Variants in PTPRT observed in about 807,000 individuals in gnomAD.
PTPRT encodes the protein receptor-type tyrosine-protein phosphatase T.
A neutral mutation model predicts 176.8 loss-of-function variants in PTPRT; 56 were observed. That is an observed-to-expected ratio of 0.32 (90% CI 0.26 to 0.40). The LOEUF is 0.40. Ranked by LOEUF, PTPRT falls within the 10% of genes least tolerant of loss-of-function variation. The probability of loss-of-function intolerance (pLI) is 1.00; values close to 1 mark genes in which losing one functional copy is unlikely to be tolerated. For missense variants in PTPRT, 1,540 were observed against 1,908.2 expected (o/e 0.81, Z 3.60); for synonymous variants, 783 against 739.0 (o/e 1.06, Z -0.96).
intron 11 of PTPRT, among the ~76,000 whole-genome samples, chr20:42,341,200 A>G (rs2058106236): frequency 6.6e-6 from 1 of 152,128 alleles, no homozygotes; most frequent in Admixed American, 6.5e-5. Flanking sequence ...CTCTGCACAA[A>G]TTCTTCAACA....
chr20:42,973,695 C>T (rs554490470), intron 1 of PTPRT, among the ~76,000 whole-genome samples: 293 of 152,270 alleles, frequency 1.9e-3, no homozygotes, highest in Middle Eastern at 0.01. Flanking sequence ...AAACAAAACA[C>T]GGCTAAAGCC....
At chr20:42,269,609 C>T (rs975415719) in intron 13 of PTPRT, among the ~76,000 whole-genome samples, 1 of 152,216 alleles carries the variant, frequency 6.6e-6, no homozygotes, top group Non-Finnish European at 1.5e-5. Context: ...GTGAAATGAA[C>T]TCCACCTATG....
chr20:42,532,024 A>G (rs2072393227), intron 7 of PTPRT, among the ~76,000 whole-genome samples: 1 of 152,168 alleles, frequency 6.6e-6, no homozygotes, highest in Non-Finnish European at 1.5e-5. Context: ...TAGTGTAGTC[A>G]GTGGCCGTAA....
At position 42,791,378 on chromosome 20, in the gene PTPRT, G is replaced by A. The variant is rs1315381374; in HGVS notation, c.303C>T (p.His101=). The A allele has an allele frequency of 1.2e-6, 2 of 1,614,128 alleles. No homozygotes were observed. The highest frequency in any genetic ancestry group is 1.3e-5 in the African/African-American group (1 of 74,954). The change falls in exon 3 of 31, where the codon CAC becomes CAT. Residue 101 remains histidine, a synonymous_variant. Transcript: ENST00000373187. ...LLPTLKENDT[H]CIDFHYYFSS... is the part of the protein sequence containing the mutation. ...AGAAGTAGTAATGGAAGTCGATGCAGTGGGTGTCATTCTCCTTCAGGGTTG... is the reference window on the plus strand; with the variant it reads ...AGAAGTAGTAATGGAAGTCGATGCAATGGGTGTCATTCTCCTTCAGGGTTG...
At chr20:42,254,720 T>C (rs904316779) in intron 13 of PTPRT, among the ~76,000 whole-genome samples, 13 of 152,152 alleles carry the variant, frequency 8.5e-5, no homozygotes, top group Non-Finnish European at 1.5e-4. Flanking sequence ...TGCGGCATCA[T>C]GTTAGAGAGA....
chr20:43,075,965 C>A (rs1279370830), intron 1 of PTPRT, among the ~76,000 whole-genome samples: 6 of 152,104 alleles, frequency 3.9e-5, no homozygotes, highest in Admixed American at 3.9e-4. Flanking sequence ...GAATTCTATG[C>A]CTTACAGAGT....
intron 9 of PTPRT, among the ~76,000 whole-genome samples, chr20:42,355,788 A>T (rs1307960963): frequency 1.3e-5 from 2 of 152,268 alleles, no homozygotes; most frequent in East Asian, 3.9e-4. Flanking sequence ...TGGCAACTAC[A>T]TTGATATACA....
At chr20:42,279,008 A>T (rs1489049913) in intron 13 of PTPRT, among the ~76,000 whole-genome samples, 1 of 152,056 alleles carries the variant, frequency 6.6e-6, no homozygotes, top group Non-Finnish European at 1.5e-5. Context: ...TCCTATTTTA[A>T]TGATAAGAAC....
At chr20:42,767,977 TACACAC>T (rs35599788) in intron 5 of PTPRT, among the ~76,000 whole-genome samples, 6,638 of 125,186 alleles carry the variant, frequency 0.053, 199 homozygotes, top group African/African-American at 0.089. Context: ...TATAAAATTA[TACACAC>T]ACACACACAC....
At chr20:43,125,756 T>A (rs190824748) in intron 1 of PTPRT, among the ~76,000 whole-genome samples, 1 of 152,232 alleles carries the variant, frequency 6.6e-6, no homozygotes, top group Non-Finnish European at 1.5e-5. Context: ...TCAAAGGGGA[T>A]TCTGAAGCCC....
At chr20:42,947,712 A>G (rs1479277074) in intron 1 of PTPRT, among the ~76,000 whole-genome samples, 21 of 152,100 alleles carry the variant, frequency 1.4e-4, no homozygotes, top group Non-Finnish European at 1.2e-4. Context: ...TCTTGCAAGA[A>G]TTGTGCTCAT....
intron 27 of PTPRT, 69 bp from the exon 28 acceptor site, chr20:42,085,922 A>C (rs949890984): frequency 6.8e-6 from 10 of 1,460,608 alleles, no homozygotes; most frequent in Middle Eastern, 1.8e-4. Context: ...CTCATTTATC[A>C]ACAAGCTTTT....
At chr20:42,403,730 G>A (rs1257178867) in intron 9 of PTPRT, among the ~76,000 whole-genome samples, 1 of 152,110 alleles carries the variant, frequency 6.6e-6, no homozygotes, top group Non-Finnish European at 1.5e-5. Context: ...GTGGGTCTCT[G>A]CTTTCTCACC....
rs1982453812 is a variant in PTPRT at position 42,073,158 on chromosome 20, G to A, written c.*7721C>T. The A allele has an allele frequency of 1.0e-5, 2 of 198,208 alleles. No homozygotes were observed. Among genetic ancestry groups the A allele is most frequent in the African/African-American group, 2.3e-5 (1 of 43,380 alleles). The allele number at this position is 198,208 out of a possible 1,614,324, so 12.3% of individuals were successfully genotyped here. ...TCTCATGCAATATTATATGCCCAGT[G>A]GATGTGAAGATGTCAGCCTCCCTGG... On this transcript the variant is annotated 3_prime_UTR_variant, in exon 31 of 31. Coordinates refer to ENST00000373187, the MANE Select transcript of PTPRT (RefSeq NM_007050.6).
At chr20:42,589,323 CT>C (rs965848866) in intron 7 of PTPRT, among the ~76,000 whole-genome samples, 3 of 152,144 alleles carry the variant, frequency 2.0e-5, no homozygotes, top group African/African-American at 7.2e-5. Context: ...TCCTTCAAAC[CT>C]TTTTAGCTTT....
chr20:42,655,385 G>C (rs910568996), intron 7 of PTPRT, among the ~76,000 whole-genome samples: 10 of 152,136 alleles, frequency 6.6e-5, no homozygotes, highest in African/African-American at 2.4e-4. Context: ...CAGCTACTTG[G>C]GAGGCTGAGG....
At chr20:42,764,651 T>G (rs2076958364) in intron 5 of PTPRT, among the ~76,000 whole-genome samples, 1 of 152,118 alleles carries the variant, frequency 6.6e-6, no homozygotes, top group South Asian at 2.1e-4. Flanking sequence ...CCTGTGTAAT[T>G]CCGAGGATGT....
chr20:42,713,024 A>G (rs1285204035), intron 6 of PTPRT, among the ~76,000 whole-genome samples: 2 of 152,208 alleles, frequency 1.3e-5, no homozygotes, highest in Admixed American at 6.5e-5. Context: ...ATAAAGCCAA[A>G]AGAGTTTTTG....
At chr20:42,379,606 A>G (rs1301748984) in intron 9 of PTPRT, among the ~76,000 whole-genome samples, 2 of 152,192 alleles carry the variant, frequency 1.3e-5, no homozygotes, top group African/African-American at 4.8e-5. Context: ...ATTCCTACAA[A>G]GGAGTTATAT....
Sources: gnomAD v4.1 joint callset for allele counts (sites outside exome capture counted in the v4.1 genomes callset) on GRCh38, gnomAD v4.1.1 for gene constraint, MANE v1.5 for transcripts, NCBI Gene and HGNC (gene_info 2026-07-23, HGNC 2026-07-21) for gene names.